Variants in SLC24A3 observed in about 807,000 individuals in gnomAD.
SLC24A3 encodes solute carrier family 24 member 3, also known as sodium/potassium/calcium exchanger 3.
Under a neutral mutation model 75.8 loss-of-function variants are expected in SLC24A3, and 28 were observed. The observed-to-expected ratio is 0.37, with a 90% CI of 0.27 to 0.51. The LOEUF (loss-of-function observed/expected upper bound fraction) is 0.51. SLC24A3 is among the 20% of genes least tolerant of loss of function. The probability of loss-of-function intolerance (pLI) is 0.94; values close to 1 mark genes in which losing one functional copy is unlikely to be tolerated. For missense variants in SLC24A3, 663 were observed against 847.8 expected (o/e 0.78, Z 2.71); for synonymous variants, 372 against 334.1 (o/e 1.11, Z -1.24).
intron 7 of SLC24A3, among the ~76,000 whole-genome samples, chr20:19,664,261 C>A (rs73118114): frequency 3.3e-5 from 5 of 152,258 alleles, no homozygotes; most frequent in Non-Finnish European, 7.4e-5. Flanking sequence ...GGGGGTTATA[C>A]AAAAGAGCTG....
At position 19,331,839 on chromosome 20, in the gene SLC24A3, G is replaced by A. The variant is rs148901084; in HGVS notation, c.271+50752G>A. Among the ~76,000 whole-genome samples, 433 of 152,256 alleles carry A rather than the reference G, an allele frequency of 2.8e-3. 1 individual carries two copies. The highest frequency in any genetic ancestry group is 9.8e-3 in the African/African-American group (406 of 41,548). ...AGCATCTGATTTTGATCAGTGTTAC[G>A]GAAAAAGGGAATGAGGAATAGGTCG... On this transcript the variant is annotated intron_variant, in intron 2 of 16. Coordinates refer to ENST00000328041, the MANE Select transcript of SLC24A3 (RefSeq NM_020689.4).
intron 1 of SLC24A3, among the ~76,000 whole-genome samples, chr20:19,238,467 G>A (rs1006841915): frequency 1.3e-5 from 2 of 152,150 alleles, no homozygotes; most frequent in African/African-American, 4.8e-5. Context: ...TTTTGATCTG[G>A]TGTATACTCC....
intron 8 of SLC24A3, among the ~76,000 whole-genome samples, chr20:19,669,086 G>A (rs1237406785): frequency 6.6e-6 from 1 of 152,240 alleles, no homozygotes; most frequent in African/African-American, 2.4e-5. Flanking sequence ...CCCTCTTTGA[G>A]ATCAGAAGGG....
intron 8 of SLC24A3, among the ~76,000 whole-genome samples, chr20:19,667,519 T>G (rs1326239519): frequency 6.6e-6 from 1 of 152,214 alleles, no homozygotes. Flanking sequence ...CGTTGCTCAG[T>G]GGTGCTAGTC....
intron 3 of SLC24A3, among the ~76,000 whole-genome samples, chr20:19,540,410 G>A (rs1568649855): frequency 6.6e-6 from 1 of 152,188 alleles, no homozygotes; most frequent in Non-Finnish European, 1.5e-5. Flanking sequence ...AGCCCCTGAA[G>A]CCCTCCACAC....
intron 2 of SLC24A3, among the ~76,000 whole-genome samples, chr20:19,312,192 A>C (rs1012412119): frequency 6.6e-6 from 1 of 152,170 alleles, no homozygotes; most frequent in African/African-American, 2.4e-5. Context: ...AGAGTTCTTC[A>C]GGGGTGTAAG....
chr20:19,262,615 C>A (rs997503008), intron 1 of SLC24A3, among the ~76,000 whole-genome samples: 6 of 152,054 alleles, frequency 3.9e-5, no homozygotes, highest in Non-Finnish European at 7.4e-5. Flanking sequence ...ATGATGATGG[C>A]CCATCCCTGG....
chr20:19,671,181 A>C (rs994848627), intron 8 of SLC24A3, among the ~76,000 whole-genome samples: 9 of 152,188 alleles, frequency 5.9e-5, no homozygotes, highest in African/African-American at 2.2e-4. Flanking sequence ...GTGGCCAGCC[A>C]AGGAGTGAAG....
chr20:19,491,978 C>T (rs1406143684), intron 2 of SLC24A3, among the ~76,000 whole-genome samples: 2 of 118,786 alleles, frequency 1.7e-5, no homozygotes, highest in African/African-American at 7.1e-5. Context: ...TGCTCAAGGG[C>T]CCCCCCTTCA....
chr20:19,528,794 GA>G (rs1371016706), intron 3 of SLC24A3, among the ~76,000 whole-genome samples: 1 of 152,182 alleles, frequency 6.6e-6, no homozygotes. Flanking sequence ...GAATTAGGCA[GA>G]GGGGGTATTT....
chr20:19,625,043 C>G (rs967743490), intron 6 of SLC24A3, among the ~76,000 whole-genome samples: 2 of 152,190 alleles, frequency 1.3e-5, no homozygotes, highest in African/African-American at 4.8e-5. Context: ...CTCCAGCAGG[C>G]TATCCCAGGC....
chr20:19,653,093 A>G (rs925161523), intron 6 of SLC24A3, among the ~76,000 whole-genome samples: 2 of 152,214 alleles, frequency 1.3e-5, no homozygotes, highest in Admixed American at 6.5e-5. Flanking sequence ...AAAATACTAA[A>G]TATCCCTTAA....
intron 2 of SLC24A3, among the ~76,000 whole-genome samples, chr20:19,438,687 C>A (rs1031885917): frequency 6.6e-6 from 1 of 152,162 alleles, no homozygotes; most frequent in Admixed American, 6.5e-5. Context: ...CACCCAGCAT[C>A]CCCACAGGGT....
intron 6 of SLC24A3, among the ~76,000 whole-genome samples, chr20:19,633,473 C>A (rs983095651): frequency 5.9e-5 from 9 of 151,970 alleles, no homozygotes; most frequent in Non-Finnish European, 4.4e-5. Flanking sequence ...ACCGGTGAAA[C>A]CCCGTCTCTA....
At chr20:19,228,508 G>T (rs1393407647) in intron 1 of SLC24A3, among the ~76,000 whole-genome samples, 1 of 152,104 alleles carries the variant, frequency 6.6e-6, no homozygotes, top group Non-Finnish European at 1.5e-5. Context: ...GCGTGGGCGT[G>T]GTGGTGGGCG....
At chr20:19,438,225 A>C (rs934839740) in intron 2 of SLC24A3, among the ~76,000 whole-genome samples, 2 of 152,204 alleles carry the variant, frequency 1.3e-5, no homozygotes, top group Non-Finnish European at 2.9e-5. Flanking sequence ...TGAGCACACA[A>C]AAGTCATCTG....
chr20:19,426,510 T>A (rs1414557955), intron 2 of SLC24A3, among the ~76,000 whole-genome samples: 3 of 152,256 alleles, frequency 2.0e-5, no homozygotes, highest in African/African-American at 7.2e-5. Context: ...GTCAACACTA[T>A]ATAAAATTGT....
At chr20:19,570,536 A>G (rs1233589324) in intron 3 of SLC24A3, among the ~76,000 whole-genome samples, 2 of 152,140 alleles carry the variant, frequency 1.3e-5, no homozygotes, top group Admixed American at 1.3e-4. Flanking sequence ...GAGTGATGCT[A>G]GGGACCCCCA....
chr20:19,241,679 T>C (rs1982333131), intron 1 of SLC24A3, among the ~76,000 whole-genome samples: 1 of 152,226 alleles, frequency 6.6e-6, no homozygotes, highest in Admixed American at 6.5e-5. Context: ...TCTGCGTCAG[T>C]GGTGCTTGTG....
Sources: gnomAD v4.1 joint callset for allele counts (sites outside exome capture counted in the v4.1 genomes callset) on GRCh38, gnomAD v4.1.1 for gene constraint, MANE v1.5 for transcripts, NCBI Gene and HGNC (gene_info 2026-07-23, HGNC 2026-07-21) for gene names.